TAF3: variants seen among roughly 807,000 people sequenced by gnomAD.
TAF3 encodes the protein transcription initiation factor TFIID subunit 3.
TAF3 carries 7 observed loss-of-function variants against 80.6 expected under a neutral mutation model. The ratio of observed to expected loss-of-function variants is 0.09; its 90% confidence interval spans 0.05 to 0.16. TAF3 has a LOEUF of 0.16. TAF3 is among the 10% of genes least tolerant of loss of function. The probability of loss-of-function intolerance (pLI) is 1.00; values close to 1 mark genes in which losing one functional copy is unlikely to be tolerated. For synonymous variants in TAF3, 444 were observed against 446.1 expected (o/e 1.00, Z 0.06); for missense variants, 921 against 1,140.2 (o/e 0.81, Z 2.77).
chr10:7,983,753 T>C (rs1831750241), intron 4 of TAF3, among the ~76,000 whole-genome samples: 1 of 152,098 alleles, frequency 6.6e-6, no homozygotes, highest in Non-Finnish European at 1.5e-5. Context: ...GCAAGAGGAT[T>C]GATTGAGCCT....
chr10:7,832,008 C>T (rs1242358696), intron 2 of TAF3, among the ~76,000 whole-genome samples: 1 of 151,932 alleles, frequency 6.6e-6, no homozygotes, highest in East Asian at 1.9e-4. Context: ...GTTAACATAC[C>T]TGTCACCTCA....
At chr10:7,945,694 G>T (rs1345736311) in intron 2 of TAF3, among the ~76,000 whole-genome samples, 1 of 152,060 alleles carries the variant, frequency 6.6e-6, no homozygotes, top group East Asian at 1.9e-4. Flanking sequence ...TGAAATGCTT[G>T]TTCATGACAT....
intron 2 of TAF3, among the ~76,000 whole-genome samples, chr10:7,935,150 G>A (rs1359577880): frequency 1.3e-5 from 2 of 152,036 alleles, no homozygotes; most frequent in African/African-American, 2.4e-5. Context: ...GCTGGTGCGC[G>A]CCTGTAATCC....
intron 2 of TAF3, among the ~76,000 whole-genome samples, chr10:7,953,578 C>T (rs1234887704): frequency 6.6e-6 from 1 of 152,200 alleles, no homozygotes; most frequent in Non-Finnish European, 1.5e-5. Context: ...GTTAGGTTCC[C>T]TGCCCAGCCA....
intron 1 of TAF3, among the ~76,000 whole-genome samples, chr10:7,820,606 C>T (rs548805397): frequency 1.3e-5 from 2 of 152,206 alleles, no homozygotes; most frequent in East Asian, 1.9e-4. Context: ...GTGATCCTCC[C>T]GCCTCAGCCT....
chr10:7,883,434 A>G (rs1837379829), intron 2 of TAF3, among the ~76,000 whole-genome samples: 1 of 152,164 alleles, frequency 6.6e-6, no homozygotes, highest in African/African-American at 2.4e-5. Context: ...TACTGATTTG[A>G]TGGTAATTTT....
chr10:7,872,277 G>A (rs975230162), intron 2 of TAF3, among the ~76,000 whole-genome samples: 1 of 132,788 alleles, frequency 7.5e-6, no homozygotes, highest in African/African-American at 2.8e-5. Flanking sequence ...TTTGCAGTTT[G>A]GAAAGTGTTT....
At position 7,858,825 on chromosome 10, in the gene TAF3, T is replaced by TGC. The variant is rs538832928; in HGVS notation, c.409+34266_409+34267insCG. Among the ~76,000 whole-genome samples, 14 of 92,432 alleles carry TGC rather than the reference T, an allele frequency of 1.5e-4. No homozygotes were observed. In the East Asian group the frequency reaches 3.3e-3, roughly 22 times the overall value. The allele number at this position is 92,432 out of a possible 152,430, so 60.6% of individuals were successfully genotyped here. A position where few individuals can be genotyped will look rare whatever the true frequency, so the allele number is the denominator to read the frequency against. ...TAGGCTCTGTGTGTGTGTGTGTGTG[T>TGC]GTGCGCGCGCCTGCATGTCACTGAA... On this transcript the variant is annotated intron_variant, in intron 2 of 6. Transcript: ENST00000344293.
chr10:7,973,097 C>T (rs1831636357), intron 3 of TAF3, among the ~76,000 whole-genome samples: 1 of 152,180 alleles, frequency 6.6e-6, no homozygotes, highest in Non-Finnish European at 1.5e-5. Context: ...CTTACTCCTT[C>T]TGAGCTCTTA....
intron 2 of TAF3, among the ~76,000 whole-genome samples, chr10:7,861,651 G>C (rs987712221): frequency 6.6e-6 from 1 of 151,928 alleles, no homozygotes; most frequent in South Asian, 2.1e-4. Context: ...CATTGTTTCT[G>C]ATAAGAAGTC....
intron 2 of TAF3, among the ~76,000 whole-genome samples, chr10:7,915,041 C>T (rs1224385953): frequency 4.7e-5 from 7 of 148,764 alleles, no homozygotes; most frequent in Non-Finnish European, 8.9e-5. Flanking sequence ...CCTGGGTTCA[C>T]GCCATTCTTC....
At chr10:8,006,025 TG>T (rs1423756719) in intron 4 of TAF3, among the ~76,000 whole-genome samples, 1 of 152,178 alleles carries the variant, frequency 6.6e-6, no homozygotes, top group African/African-American at 2.4e-5. Context: ...TTGCCTCATG[TG>T]GTCATTATGA....
chr10:7,950,797 A>G (rs1333515245), intron 2 of TAF3, among the ~76,000 whole-genome samples: 1 of 152,132 alleles, frequency 6.6e-6, no homozygotes, highest in Non-Finnish European at 1.5e-5. Context: ...TGTGGTTTTC[A>G]CCATCTCAGT....
intron 2 of TAF3, among the ~76,000 whole-genome samples, chr10:7,830,376 T>C (rs958658063): frequency 2.0e-5 from 3 of 149,154 alleles, no homozygotes; most frequent in Non-Finnish European, 3.0e-5. Context: ...TTGTAGGAAT[T>C]ACTCCTTAGC....
At chr10:7,936,862 C>T (rs1837925992) in intron 2 of TAF3, among the ~76,000 whole-genome samples, 1 of 152,058 alleles carries the variant, frequency 6.6e-6, no homozygotes, top group African/African-American at 2.4e-5. Context: ...TACCCGCTGG[C>T]ATCCATTGAT....
chr10:7,914,621 G>A (rs1382124673), intron 2 of TAF3, among the ~76,000 whole-genome samples: 3 of 152,102 alleles, frequency 2.0e-5, no homozygotes, highest in Admixed American at 6.5e-5. Context: ...GCATTTTGAT[G>A]TTTCTGTATT....
At chr10:7,824,916 C>G (rs1193921534) in intron 2 of TAF3, among the ~76,000 whole-genome samples, 1 of 152,182 alleles carries the variant, frequency 6.6e-6, no homozygotes, top group Non-Finnish European at 1.5e-5. Context: ...CTCTTTTCCT[C>G]CTCGCTTATT....
chr10:7,899,035 G>A (rs56056082), intron 2 of TAF3, among the ~76,000 whole-genome samples: 122 of 152,252 alleles, frequency 8.0e-4, no homozygotes, highest in African/African-American at 2.6e-3. Context: ...TTCTAGGTGA[G>A]ATTCCCCCAA....
chr10:7,829,649 A>G (rs886706986), intron 2 of TAF3, among the ~76,000 whole-genome samples: 20 of 152,196 alleles, frequency 1.3e-4, no homozygotes, highest in Non-Finnish European at 4.4e-5. Flanking sequence ...TCAAAGGTCT[A>G]TCCTGTCATC....
Sources: gnomAD v4.1 joint callset for allele counts (sites outside exome capture counted in the v4.1 genomes callset) on GRCh38, gnomAD v4.1.1 for gene constraint, MANE v1.5 for transcripts, NCBI Gene and HGNC (gene_info 2026-07-23, HGNC 2026-07-21) for gene names.